TNFSF4: variants seen among roughly 807,000 people sequenced by gnomAD.
The protein encoded by TNFSF4 is tumor necrosis factor ligand superfamily member 4.
A neutral mutation model predicts 7.3 loss-of-function variants in TNFSF4; 4 were observed. The ratio of observed to expected loss-of-function variants is 0.55; its 90% CI spans 0.27 to 1.25. TNFSF4 has a LOEUF of 1.25. TNFSF4 is among the 50% of genes most tolerant of loss of function. TNFSF4 has a pLI of 0.12. For missense variants in TNFSF4, 181 were observed against 208.8 expected (o/e 0.87, Z 0.82); for synonymous variants, 76 against 83.7 (o/e 0.91, Z 0.50).
chr1:173,364,225 G>GTATATATATATATA, the TNFSF4 span, among the ~76,000 whole-genome samples: 658 of 143,576 alleles, frequency 4.6e-3, 6 homozygotes, highest in African/African-American at 0.013. Flanking sequence ...AGAAGACTAG[G>GTATATATATATATA]TATATATATA....
chr1:173,188,510 A>T lies in TNFSF4; in HGVS notation c.202+11T>A. The T allele has an allele frequency of 6.2e-7, 1 of 1,600,452 alleles. No individual in the cohort carries two copies. Among genetic ancestry groups the T allele is most frequent in the Non-Finnish European group, 8.6e-7 (1 of 1,168,498 alleles). ...AAAATATGAATCAATTAAACTTTTG[A>T]CAATACTTACCGGTAAATTGTACTT... On this transcript the variant is annotated intron_variant, in intron 2 of 2. Transcript: ENST00000281834.
At chr1:173,368,185 C>G in the TNFSF4 span, among the ~76,000 whole-genome samples, 3 of 152,046 alleles carry the variant, frequency 2.0e-5, no homozygotes, top group East Asian at 5.8e-4. Context: ...AGTTGGCCAC[C>G]CCCATTCAGC....
chr1:173,445,333 A>G, the TNFSF4 span, among the ~76,000 whole-genome samples: 5 of 152,324 alleles, frequency 3.3e-5, no homozygotes, highest in Admixed American at 1.3e-4. Flanking sequence ...GCTGAAAGCA[A>G]TCACACAAAT....
At chr1:173,362,934 T>G in the TNFSF4 span, 2 of 442,274 alleles carry the variant, frequency 4.5e-6, no homozygotes, top group East Asian at 6.2e-5. Context: ...TGCACCAAAA[T>G]AGTTCCTAGA....
chr1:173,305,392 A>C, the TNFSF4 span, among the ~76,000 whole-genome samples: 1 of 151,926 alleles, frequency 6.6e-6, no homozygotes, highest in African/African-American at 2.4e-5. Flanking sequence ...AAACACGCTT[A>C]AGTGGAAGAG....
chr1:173,390,747 T>TTC, the TNFSF4 span, among the ~76,000 whole-genome samples: 2 of 63,256 alleles, frequency 3.2e-5, no homozygotes, highest in African/African-American at 1.5e-4. Flanking sequence ...CTTTTTTTTT[T>TTC]TTCTTTTTTT....
At chr1:173,311,312 A>C in the TNFSF4 span, among the ~76,000 whole-genome samples, 26 of 152,232 alleles carry the variant, frequency 1.7e-4, no homozygotes, top group African/African-American at 6.0e-4. Flanking sequence ...ATATAAAGAT[A>C]TATTAACTAT....
the TNFSF4 span, among the ~76,000 whole-genome samples, chr1:173,278,571 A>G: frequency 6.6e-6 from 1 of 152,110 alleles, no homozygotes; most frequent in African/African-American, 2.4e-5. Context: ...CTTTCACTGG[A>G]AAGTAGTCTT....
chr1:173,306,475 T>C, the TNFSF4 span, among the ~76,000 whole-genome samples: 1 of 151,910 alleles, frequency 6.6e-6, no homozygotes, highest in Non-Finnish European at 1.5e-5. Flanking sequence ...AAGGTAATAT[T>C]TCACCATACG....
At chr1:173,411,281 G>A in the TNFSF4 span, among the ~76,000 whole-genome samples, 4 of 152,146 alleles carry the variant, frequency 2.6e-5, no homozygotes, top group Non-Finnish European at 5.9e-5. Context: ...GGGCAGGGGC[G>A]GGGACAGTTC....
chr1:173,353,693 G>A, the TNFSF4 span, among the ~76,000 whole-genome samples: 1 of 152,106 alleles, frequency 6.6e-6, no homozygotes, highest in Non-Finnish European at 1.5e-5. Context: ...CTGCTCATCA[G>A]TTTCTGTAGA....
At chr1:173,314,951 G>A in the TNFSF4 span, among the ~76,000 whole-genome samples, 1 of 152,036 alleles carries the variant, frequency 6.6e-6, no homozygotes, top group East Asian at 1.9e-4. Context: ...AGGAGAAGTG[G>A]GGCAAGGGCA....
At chr1:173,434,870 T>A in the TNFSF4 span, among the ~76,000 whole-genome samples, 1 of 152,204 alleles carries the variant, frequency 6.6e-6, no homozygotes, top group Non-Finnish European at 1.5e-5. Flanking sequence ...TGCTCTTGAC[T>A]GGGAGAGAAA....
At chr1:173,349,172 G>A in the TNFSF4 span, among the ~76,000 whole-genome samples, 9 of 152,110 alleles carry the variant, frequency 5.9e-5, no homozygotes, top group Non-Finnish European at 1.0e-4. Context: ...GGGACTACAG[G>A]CGCCCGCTGC....
At chr1:173,262,056 A>C in the TNFSF4 span, among the ~76,000 whole-genome samples, 1 of 152,252 alleles carries the variant, frequency 6.6e-6, no homozygotes, top group African/African-American at 2.4e-5. Context: ...AATATCCCTG[A>C]TGAACATCGA....
the TNFSF4 span, among the ~76,000 whole-genome samples, chr1:173,395,576 ATGTG>A: frequency 6.1e-4 from 92 of 151,612 alleles, no homozygotes; most frequent in Middle Eastern, 3.4e-3. Context: ...AAAGGCTTCT[ATGTG>A]TGCCCTGAAG....
chr1:173,343,537 A>G, the TNFSF4 span, among the ~76,000 whole-genome samples: 1 of 152,176 alleles, frequency 6.6e-6, no homozygotes, highest in African/African-American at 2.4e-5. Context: ...TCCCTTCTCT[A>G]TCCCCTTTGC....
the TNFSF4 span, among the ~76,000 whole-genome samples, chr1:173,295,564 T>C: frequency 6.6e-6 from 1 of 151,974 alleles, no homozygotes; most frequent in East Asian, 1.9e-4. Context: ...TCAGTCAAAA[T>C]TGTGTAAGCA....
chr1:173,295,420 T>C, the TNFSF4 span, among the ~76,000 whole-genome samples: 10 of 152,050 alleles, frequency 6.6e-5, no homozygotes, highest in Non-Finnish European at 1.5e-4. Context: ...TTAATCATTG[T>C]TCAAAGAAGT....
Sources: allele counts gnomAD v4.1 joint callset (sites outside exome capture counted in the v4.1 genomes callset), GRCh38; gene constraint gnomAD v4.1.1; transcripts MANE v1.5; gene names NCBI Gene and HGNC (gene_info 2026-07-23, HGNC 2026-07-21).